The following KCTD8 variants were observed in gnomAD, a reference collection of about 807,000 sequenced individuals.
KCTD8 encodes the protein BTB/POZ domain-containing protein KCTD8.
A neutral mutation model predicts 31.5 loss-of-function variants in KCTD8; 27 were observed. The observed-to-expected ratio is 0.86, with a 90% CI of 0.63 to 1.18. KCTD8 has a LOEUF of 1.18. Among genes scored for constraint, KCTD8 ranks in the 50% most tolerant of loss-of-function variants. The pLI is 0.00. For missense variants in KCTD8, 658 were observed against 647.7 expected (o/e 1.02, Z -0.17); for synonymous variants, 290 against 280.0 (o/e 1.04, Z -0.36).
chr4:44,408,120 G>A (rs1225100500), intron 1 of KCTD8, among the ~76,000 whole-genome samples: 1 of 152,168 alleles, frequency 6.6e-6, no homozygotes, highest in South Asian at 2.1e-4. Context: ...TCTATCTACT[G>A]TGAAAGACAA....
At chr4:44,366,694 G>A (rs1719648943) in intron 1 of KCTD8, among the ~76,000 whole-genome samples, 1 of 152,060 alleles carries the variant, frequency 6.6e-6, no homozygotes, top group Admixed American at 6.6e-5. Context: ...CATCAATATT[G>A]TAGCCACAGT....
At chr4:44,411,962 A>G (rs1342185196) in intron 1 of KCTD8, among the ~76,000 whole-genome samples, 1 of 152,096 alleles carries the variant, frequency 6.6e-6, no homozygotes, top group African/African-American at 2.4e-5. Context: ...GTTTTAAGGC[A>G]CCCAGTTTGC....
intron 1 of KCTD8, among the ~76,000 whole-genome samples, chr4:44,198,184 C>T (rs557610706): frequency 6.6e-6 from 1 of 152,132 alleles, no homozygotes; most frequent in Non-Finnish European, 1.5e-5. Flanking sequence ...AACTCACTGG[C>T]ATCCCTGGGA....
intron 1 of KCTD8, among the ~76,000 whole-genome samples, chr4:44,181,669 C>T (rs1282193032): frequency 6.6e-6 from 1 of 152,192 alleles, no homozygotes; most frequent in African/African-American, 2.4e-5. Context: ...CGGCCGCCAC[C>T]CCGTCTGGGA....
At chr4:44,413,845 A>G (rs1408545958) in intron 1 of KCTD8, among the ~76,000 whole-genome samples, 2 of 152,132 alleles carry the variant, frequency 1.3e-5, no homozygotes, top group East Asian at 3.9e-4. Flanking sequence ...GCCCAATGCC[A>G]TCATGAAAGT....
chr4:44,335,968 G>A (rs1291431834), intron 1 of KCTD8, among the ~76,000 whole-genome samples: 1 of 150,846 alleles, frequency 6.6e-6, no homozygotes, highest in Non-Finnish European at 1.5e-5. Context: ...GGCTAAAACG[G>A]TGAAACCCCG....
At chr4:44,218,583 T>C (rs190127667) in intron 1 of KCTD8, among the ~76,000 whole-genome samples, 355 of 148,324 alleles carry the variant, frequency 2.4e-3, no homozygotes, top group Middle Eastern at 3.6e-3. Flanking sequence ...TCTATATATA[T>C]AAATATATAT....
chr4:44,181,473 C>A (rs1178097555), intron 1 of KCTD8, among the ~76,000 whole-genome samples: 1 of 152,196 alleles, frequency 6.6e-6, no homozygotes, highest in Non-Finnish European at 1.5e-5. Flanking sequence ...GTCTCCAGCT[C>A]CTAACCGCGA....
intron 1 of KCTD8, among the ~76,000 whole-genome samples, chr4:44,435,267 A>G (rs1338225162): frequency 6.6e-6 from 1 of 151,994 alleles, no homozygotes; most frequent in Non-Finnish European, 1.5e-5. Context: ...AATAACCTCA[A>G]GGAATTTAAG....
intron 1 of KCTD8, among the ~76,000 whole-genome samples, chr4:44,312,649 T>C (rs1717989430): frequency 6.6e-6 from 1 of 152,206 alleles, no homozygotes; most frequent in South Asian, 2.1e-4. Context: ...CCACTTTTAA[T>C]ACCAAAGTTT....
At chr4:44,356,633 C>T (rs946528838) in intron 1 of KCTD8, among the ~76,000 whole-genome samples, 3 of 152,060 alleles carry the variant, frequency 2.0e-5, no homozygotes, top group Non-Finnish European at 2.9e-5. Flanking sequence ...CCACATCTGG[C>T]TAATTGTTTG....
At chr4:44,193,164 T>C (rs1459409749) in intron 1 of KCTD8, among the ~76,000 whole-genome samples, 1 of 152,204 alleles carries the variant, frequency 6.6e-6, no homozygotes, top group Non-Finnish European at 1.5e-5. Context: ...TTTTACTTAG[T>C]TTATATTTTA....
intron 1 of KCTD8, among the ~76,000 whole-genome samples, chr4:44,400,091 T>C (rs534229221): frequency 6.6e-6 from 1 of 152,274 alleles, no homozygotes; most frequent in Non-Finnish European, 1.5e-5. Flanking sequence ...ACATTGCAAT[T>C]GCTTGGTTCT....
rs185316701 is a variant in KCTD8, at chr4:44,240,546, C to G, written c.962-65296G>C. ...GGACGAGGTCTCGATATGTTGTTGCCCAGGCTGATCTCAAAATCCTGGGCT... is the reference window on the plus strand; with the variant it reads ...GGACGAGGTCTCGATATGTTGTTGCGCAGGCTGATCTCAAAATCCTGGGCT... On this transcript the variant is annotated intron_variant, in intron 1 of 1. Coordinates refer to ENST00000360029, the MANE Select transcript of KCTD8 (RefSeq NM_198353.3). Among the ~76,000 whole-genome samples, 318 of 152,162 alleles carry G rather than the reference C, an allele frequency of 2.1e-3. 1 individual carries two copies. Among genetic ancestry groups the G allele is most frequent in the Middle Eastern group, 0.017 (5 of 294 alleles).
rs181436589 is a variant in KCTD8, at chr4:44,415,300, T to C, written c.961+32263A>G. Among the ~76,000 whole-genome samples, 332 of 152,262 alleles carry C rather than the reference T, an allele frequency of 2.2e-3. 1 individual carries two copies. Among genetic ancestry groups the C allele is most frequent in the African/African-American group, 7.4e-3 (306 of 41,548 alleles). On this transcript the variant is annotated intron_variant, in intron 1 of 1. Transcript: ENST00000360029. ...AAGAAATGACTTAAAGTTGGACTTATATTTAAAAGAGAAGTAGAGCAAAAA... is the reference window on the plus strand; with the variant it reads ...AAGAAATGACTTAAAGTTGGACTTACATTTAAAAGAGAAGTAGAGCAAAAA...
At chr4:44,411,261 C>T (rs1200866287) in intron 1 of KCTD8, among the ~76,000 whole-genome samples, 1 of 151,652 alleles carries the variant, frequency 6.6e-6, no homozygotes, top group Non-Finnish European at 1.5e-5. Flanking sequence ...TCCTATAGTT[C>T]CAGCTACTTG....
At position 44,174,524 on chromosome 4, in the gene KCTD8, A is replaced by G; in HGVS notation, c.*266T>C. On this transcript the variant is annotated 3_prime_UTR_variant, in exon 2 of 2. Transcript: ENST00000360029. ...ACCAAGATACTAAGCTTGATCATGC[A>G]CATTTTACTTTCATTCTTGTAAAAT... The G allele has an allele frequency of 3.0e-6, 1 of 329,586 alleles. No individual in the cohort carries two copies. The highest frequency in any genetic ancestry group is 5.5e-6 in the Non-Finnish European group (1 of 181,996). 20.4% of individuals were successfully genotyped at this position (329,586 alleles called of 1,614,324 possible).
At chr4:44,341,872 T>TA (rs1187862529) in intron 1 of KCTD8, among the ~76,000 whole-genome samples, 1 of 152,196 alleles carries the variant, frequency 6.6e-6, no homozygotes, top group Non-Finnish European at 1.5e-5. Flanking sequence ...CAGAAGACTG[T>TA]AAATTTACTT....
chr4:44,315,642 A>C (rs1174034289), intron 1 of KCTD8, among the ~76,000 whole-genome samples: 1 of 151,928 alleles, frequency 6.6e-6, no homozygotes, highest in Non-Finnish European at 1.5e-5. Flanking sequence ...TTCACAGAGT[A>C]AATATACATA....
Sources: allele counts gnomAD v4.1 joint callset (sites outside exome capture counted in the v4.1 genomes callset), GRCh38; gene constraint gnomAD v4.1.1; transcripts MANE v1.5; gene names NCBI Gene and HGNC (gene_info 2026-07-23, HGNC 2026-07-21).